ACBD4: variants seen among roughly 807,000 people sequenced by gnomAD.
ACBD4 encodes the protein acyl-CoA binding domain containing 4, also known as acyl-CoA-binding domain-containing protein 4.
Under a neutral mutation model 46.0 loss-of-function variants are expected in ACBD4, and 41 were observed. That is an observed-to-expected ratio of 0.89 (90% CI 0.69 to 1.16). ACBD4 has a LOEUF of 1.16. Among genes scored for constraint, ACBD4 ranks in the 50% most tolerant of loss-of-function variants. The probability of loss-of-function intolerance (pLI) is 0.00; values close to 1 mark genes in which losing one functional copy is unlikely to be tolerated. For synonymous variants in ACBD4, 162 were observed against 155.9 expected, an observed-to-expected ratio of 1.04 and a Z score of -0.29; for missense variants, 393 against 399.5, an observed-to-expected ratio of 0.98 and a Z score of 0.14.
In ACBD4 at chr17:45,137,459, G is replaced by A. The variant is rs757998128; in HGVS notation, c.502+5G>A. 3 of 1,613,942 alleles carry A rather than the reference G, an allele frequency of 1.9e-6. No homozygotes were observed. The highest frequency in any genetic ancestry group is 2.5e-6 in the Non-Finnish European group (3 of 1,180,006). On this transcript the variant is annotated splice_donor_5th_base_variant and intron_variant, in intron 6 of 9. Transcript: ENST00000321854. ...AACCGGCACCCCCAAGCCCAGGTTA[G>A]TGCTTGAGCAGGAGGGGTGGACCAA... is the stretch of plus-strand genomic sequence containing the variant.
Position 45,143,910 on chromosome 17 carries a change from C to T in ACBD4, c.*339C>T, listed in dbSNP as rs1409480797. 6.0e-6 allele frequency: 2 copies of T among 333,068 alleles called. No individual in the cohort carries two copies. Among genetic ancestry groups the T allele is most frequent in the Non-Finnish European group, 1.1e-5 (2 of 180,278 alleles). The allele number at this position is 333,068 out of a possible 1,614,324, so 20.6% of individuals were successfully genotyped here. On this transcript the variant is annotated 3_prime_UTR_variant, in exon 10 of 10. Coordinates refer to ENST00000321854, the MANE Select transcript of ACBD4 (RefSeq NM_001135705.3). ...TCTGGGTCACCCGAATTTTCCCACC[C>T]CTGCTTCTCCCCGAGGAGGTTGAGC...
chr17:45,135,652 G>A (rs9906321), upstream of ACBD4: 2,721 of 156,662 alleles, frequency 0.017, 49 homozygotes, highest in African/African-American at 0.062. Context: ...CCCTCGATCT[G>A]CGTCGCCATC....
At chr17:45,141,718 G>GT (rs34254344) in intron 9 of ACBD4, among the ~76,000 whole-genome samples, 2 of 152,146 alleles carry the variant, frequency 1.3e-5, no homozygotes, top group Non-Finnish European at 2.9e-5. Flanking sequence ...CAGAGGTGAT[G>GT]TTTTTTCATG....
intron 8 of ACBD4, chr17:45,138,303 T>G: frequency 2.1e-6 from 1 of 482,728 alleles, no homozygotes; most frequent in Non-Finnish European, 3.7e-6. Context: ...GTCATCCATA[T>G]TCTCTGGACT....
intron 9 of ACBD4, among the ~76,000 whole-genome samples, chr17:45,142,181 T>G (rs879756106): frequency 5.9e-5 from 9 of 151,482 alleles, no homozygotes; most frequent in Non-Finnish European, 1.0e-4. Flanking sequence ...TCACCCGAGG[T>G]CAGGAGTTCG....
chr17:45,143,261 G>A (rs977424640), intron 9 of ACBD4, among the ~76,000 whole-genome samples, 182 bp from the exon 10 acceptor site: 7 of 152,224 alleles, frequency 4.6e-5, no homozygotes, highest in African/African-American at 1.7e-4. Context: ...TTGCCCTGGG[G>A]AGGAAGATGT....
upstream of ACBD4, among the ~76,000 whole-genome samples, chr17:45,134,545 G>A (rs192645891): frequency 3.3e-5 from 5 of 152,336 alleles, no homozygotes; most frequent in African/African-American, 1.2e-4. Context: ...GGGAGGCCGA[G>A]GTCGGCGGAT....
rs951539555 is a variant in ACBD4, at chr17:45,139,272, C to T, written c.789+112C>T. 4.3e-5 allele frequency: 48 copies of T among 1,114,030 alleles called. 1 individual carries two copies. Among genetic ancestry groups the T allele is most frequent in the South Asian group, 9.7e-5 (7 of 72,158 alleles). The allele number at this position is 1,114,030 out of a possible 1,614,324, so 69.0% of individuals were successfully genotyped here. ...CTCACGCCTCCACCTGCCCACATCTCTCTCCAGAGAATGGCATGGCTCCTG... is the reference window on the plus strand; with the variant it reads ...CTCACGCCTCCACCTGCCCACATCTTTCTCCAGAGAATGGCATGGCTCCTG... On this transcript the variant is annotated intron_variant, in intron 9 of 9. Transcript: ENST00000321854.
At chr17:45,134,011 G>A (rs1162554111), upstream of ACBD4, among the ~76,000 whole-genome samples, 1 of 152,212 alleles carries the variant, frequency 6.6e-6, no homozygotes, top group Non-Finnish European at 1.5e-5. Context: ...GAATTATGGA[G>A]AGGCATGTAA....
At position 45,141,370 on chromosome 17, in the gene ACBD4, A is replaced by C. The variant is rs116303873; in HGVS notation, c.790-2073A>C. Among the ~76,000 whole-genome samples, 1,443 of 152,152 alleles carry C rather than the reference A, an allele frequency of 9.5e-3. 16 individuals are homozygous for C. Among genetic ancestry groups the C allele is most frequent in the African/African-American group, 0.033 (1,371 of 41,496 alleles). On this transcript the variant is annotated intron_variant, in intron 9 of 9. Transcript: ENST00000321854. ...ACATTTCCTGTGAACTGGAGGTTAG[A>C]TCTAAACACTTGATTAGAGTCACAT...
intron 9 of ACBD4, chr17:45,142,617 G>A (rs958284908): frequency 2.2e-4 from 47 of 209,428 alleles, no homozygotes; most frequent in Admixed American, 8.6e-4. Flanking sequence ...GTGAAGTGGC[G>A]TGAACTCAGC....
intron 9 of ACBD4, 90 bp downstream of exon 9, chr17:45,139,250 A>C: frequency 1.1e-5 from 15 of 1,344,148 alleles, no homozygotes; most frequent in Non-Finnish European, 1.4e-5. Context: ...TTTTGTCCTC[A>C]CGCCTCCACC....
chr17:45,139,041 C>CCGGGGTCCAACT lies in ACBD4; in HGVS notation c.675_676insTCCAACTCGGGG (p.Gly225_Pro226insSerAsnSerGly), dbSNP rs1567904674. On this transcript the variant is annotated inframe_insertion, in exon 9 of 10. Coordinates refer to ENST00000321854, the MANE Select transcript of ACBD4 (RefSeq NM_001135705.3). ...CGCAGAGGGGTTGCGGGGCAGCCCG[C>CCGGGGTCCAACT]CGGGGCCCCAGGAGTTGGACGTGTG... 3.1e-6 allele frequency: 5 copies of CCGGGGTCCAACT among 1,613,458 alleles called. No homozygotes were observed. In the Middle Eastern group the frequency reaches 5.0e-4, roughly 163 times the overall value.
In ACBD4 at chr17:45,143,493, G is replaced by A. The variant is rs368360465; in HGVS notation, c.840G>A (p.Gly280=). ...SARPWPLGLP[G]PALLFFLLWP... ...GGCCATGGCCCCTTGGGCTCCCGGGGCCCGCGCTGCTCTTCTTCCTCCTGT... is the reference window on the plus strand; with the variant it reads ...GGCCATGGCCCCTTGGGCTCCCGGGACCCGCGCTGCTCTTCTTCCTCCTGT... Residue 280 remains glycine, a synonymous_variant, in exon 10 of 10, where the codon GGG becomes GGA. Coordinates refer to ENST00000321854, the MANE Select transcript of ACBD4 (RefSeq NM_001135705.3). 2.1e-4 allele frequency: 333 copies of A among 1,613,636 alleles called. No homozygotes were observed. The highest frequency in any genetic ancestry group is 3.3e-4 in the Middle Eastern group (2 of 6,034).
upstream of ACBD4, chr17:45,132,528 G>C: frequency 2.4e-6 from 1 of 416,694 alleles, no homozygotes; most frequent in Non-Finnish European, 3.6e-6. This position sits in a 1 kb window ranked among gnomAD's most constrained non-coding sequence, Gnocchi z 4.6. Context: ...ACTTAGCGGC[G>C]CGGGAGGGAG....
In ACBD4 at chr17:45,143,673, A is replaced by G. The variant is rs1376445838; in HGVS notation, c.*102A>G. ...AGCATTCAAAATTCCCCGTCCTGTC[A>G]GTGTTTGCCTTCGCACCTCCTCCCC... On this transcript the variant is annotated 3_prime_UTR_variant, in exon 10 of 10. Coordinates refer to ENST00000321854, the MANE Select transcript of ACBD4 (RefSeq NM_001135705.3). 6.3e-7 allele frequency: 1 copy of G among 1,596,502 alleles called. No individual in the cohort carries two copies. The highest frequency in any genetic ancestry group is 8.6e-7 in the Non-Finnish European group (1 of 1,167,736).
upstream of ACBD4, chr17:45,132,584 AG>A (rs998239158): frequency 6.9e-4 from 7 of 10,172 alleles, no homozygotes; most frequent in Non-Finnish European, 1.3e-3. This position sits in a 1 kb window ranked among gnomAD's most constrained non-coding sequence, Gnocchi z 4.6. Context: ...CGGGAAGGGA[AG>A]GGGGCGGGGC....
chr17:45,133,110 T>A (rs2054542262), upstream of ACBD4: 1 of 151,742 alleles, frequency 6.6e-6, no homozygotes, highest in African/African-American at 2.4e-5. Flanking sequence ...GAGCCTGGAG[T>A]CCCCAGCAAC....
chr17:45,136,876 G>A (rs1296394021), intron 4 of ACBD4, 100 bp downstream of exon 4: 1 of 1,580,222 alleles, frequency 6.3e-7, no homozygotes, highest in Non-Finnish European at 8.7e-7. Context: ...ACCCCCTCAT[G>A]GGAATCACCA....
Sources: allele counts gnomAD v4.1 joint callset (sites outside exome capture counted in the v4.1 genomes callset), GRCh38; gene constraint gnomAD v4.1.1; non-coding constraint Gnocchi (gnomAD v3.1); transcripts MANE v1.5; gene names NCBI Gene and HGNC (gene_info 2026-07-23, HGNC 2026-07-21).